Variants in EPHA6 observed in about 807,000 individuals in gnomAD.
The protein encoded by EPHA6 is EPH receptor A6.
A neutral mutation model predicts 112.0 loss-of-function variants in EPHA6; 50 were observed. The ratio of observed to expected loss-of-function variants is 0.45; its 90% CI spans 0.36 to 0.56. The LOEUF is 0.56. Among genes scored for constraint, EPHA6 ranks in the 20% least tolerant of loss-of-function variants. The pLI, the probability that EPHA6 is intolerant of heterozygous loss-of-function variation, is 0.00. For missense variants in EPHA6, 1,280 were observed against 1,417.4 expected, an observed-to-expected ratio of 0.90 and a Z score of 1.56; for synonymous variants, 529 against 490.7, an observed-to-expected ratio of 1.08 and a Z score of -1.03.
intron 5 of EPHA6, among the ~76,000 whole-genome samples, chr3:97,366,597 C>T (rs1330520749): frequency 2.0e-5 from 3 of 151,238 alleles, no homozygotes; most frequent in African/African-American, 2.4e-5. Flanking sequence ...CACCATGGAA[C>T]ACACAATTAC....
chr3:97,266,713 A>G (rs1312999750), intron 5 of EPHA6, among the ~76,000 whole-genome samples: 1 of 147,688 alleles, frequency 6.8e-6, no homozygotes, highest in African/African-American at 2.6e-5. Context: ...AACCTTATCC[A>G]TATGTCATTT....
intron 3 of EPHA6, among the ~76,000 whole-genome samples, chr3:97,202,678 A>AAT (rs2077608653): frequency 6.6e-6 from 1 of 152,052 alleles, no homozygotes; most frequent in Non-Finnish European, 1.5e-5. Flanking sequence ...ATTTACCCAT[A>AAT]ATTGGGCTGG....
intron 5 of EPHA6, among the ~76,000 whole-genome samples, chr3:97,385,982 G>A (rs2086043206): frequency 6.6e-6 from 1 of 152,138 alleles, no homozygotes; most frequent in South Asian, 2.1e-4. Flanking sequence ...TGAGATTTGG[G>A]TGGAGACAGA....
chr3:97,200,246 C>A (rs998051856), intron 3 of EPHA6, among the ~76,000 whole-genome samples: 1 of 152,024 alleles, frequency 6.6e-6, no homozygotes, highest in African/African-American at 2.4e-5. Flanking sequence ...AGAAATATTT[C>A]CCAGTTGCCC....
At chr3:97,209,349 T>C (rs891889292) in intron 3 of EPHA6, among the ~76,000 whole-genome samples, 3 of 151,944 alleles carry the variant, frequency 2.0e-5, no homozygotes, top group Non-Finnish European at 4.4e-5. Context: ...TGAAAAGATG[T>C]ACCAAAGTTT....
intron 1 of EPHA6, among the ~76,000 whole-genome samples, chr3:96,817,465 T>C (rs2032889526): frequency 6.6e-6 from 1 of 151,848 alleles, no homozygotes; most frequent in South Asian, 2.1e-4. Flanking sequence ...GAAAGATAAA[T>C]GTAAAATATA....
chr3:97,248,667 C>A (rs80045810), intron 5 of EPHA6, among the ~76,000 whole-genome samples: 2,369 of 152,162 alleles, frequency 0.016, 72 homozygotes, highest in African/African-American at 0.054. Context: ...CCTATCTCTG[C>A]CCTTAAGTGA....
intron 14 of EPHA6, among the ~76,000 whole-genome samples, chr3:97,695,052 C>T (rs2032942109): frequency 6.6e-6 from 1 of 152,066 alleles, no homozygotes; most frequent in Non-Finnish European, 1.5e-5. Flanking sequence ...TTACATATTA[C>T]AATAAAACAT....
chr3:97,041,775 A>C (rs2045324170), intron 3 of EPHA6, among the ~76,000 whole-genome samples: 1 of 152,072 alleles, frequency 6.6e-6, no homozygotes, highest in South Asian at 2.1e-4. Flanking sequence ...TGGCCAGAGA[A>C]AAAGGGAGAG....
chr3:96,829,947 G>GCACACACACACACA (rs1349079216), intron 1 of EPHA6, among the ~76,000 whole-genome samples: 2 of 70,522 alleles, frequency 2.8e-5, no homozygotes, highest in East Asian at 6.0e-4. Context: ...GTGCGCGCGC[G>GCACACACACACACA]CGCACACACA....
chr3:97,040,315 T>G (rs1473810), intron 3 of EPHA6, among the ~76,000 whole-genome samples: 26,559 of 151,872 alleles, frequency 0.17, 2,594 homozygotes, highest in Non-Finnish European at 0.22. Flanking sequence ...ATAAAAGAGT[T>G]AGTATTATAA....
At chr3:97,007,033 G>T (rs145689519) in intron 3 of EPHA6, among the ~76,000 whole-genome samples, 155 of 152,166 alleles carry the variant, frequency 1.0e-3, no homozygotes, top group African/African-American at 3.6e-3. Context: ...TTATGTGGTC[G>T]ATTTTAGAAT....
At chr3:97,206,362 A>G (rs894709925) in intron 3 of EPHA6, among the ~76,000 whole-genome samples, 2 of 152,096 alleles carry the variant, frequency 1.3e-5, no homozygotes, top group Non-Finnish European at 2.9e-5. Flanking sequence ...TAGTATAACT[A>G]TGGAATTCTT....
At position 97,610,852 on chromosome 3, in the gene EPHA6, C is replaced by A. The variant is rs369106551; in HGVS notation, c.2572C>A (p.Arg858=). The change falls in exon 13 of 18, where the codon CGG becomes AGG. Residue 858 remains arginine (R), a splice_region_variant and synonymous_variant. Transcript: ENST00000389672. ...GAATGGATCCCTAGACTCCTTTTTG[C>A]GGGTGAGGTGTTCTTTTCTGATGGC... The part of the protein sequence containing the change: ...MENGSLDSFL[R]KHDGHFTVIQ... 1 of 1,608,058 alleles carries A rather than the reference C, an allele frequency of 6.2e-7. No individual in the cohort carries two copies. The highest frequency in any genetic ancestry group is 2.2e-5 in the East Asian group (1 of 44,766).
intron 3 of EPHA6, among the ~76,000 whole-genome samples, chr3:97,180,399 T>C (rs1376920165): frequency 2.0e-5 from 3 of 152,064 alleles, no homozygotes; most frequent in African/African-American, 7.2e-5. Flanking sequence ...TGCTGGTACC[T>C]AAGGTACAAG....
intron 3 of EPHA6, among the ~76,000 whole-genome samples, chr3:97,061,988 G>A (rs2046037410): frequency 6.6e-6 from 1 of 152,180 alleles, no homozygotes; most frequent in Non-Finnish European, 1.5e-5. Flanking sequence ...GGAGACACTA[G>A]TTCAGCCTTA....
At chr3:97,140,164 AT>A (rs2075864274) in intron 3 of EPHA6, among the ~76,000 whole-genome samples, 1 of 152,044 alleles carries the variant, frequency 6.6e-6, no homozygotes, top group Admixed American at 6.6e-5. Context: ...AAAAAAATAT[AT>A]TTAAAAAAAA....
At chr3:97,696,114 C>T (rs1219196945) in intron 14 of EPHA6, among the ~76,000 whole-genome samples, 1 of 152,186 alleles carries the variant, frequency 6.6e-6, no homozygotes, top group Non-Finnish European at 1.5e-5. Context: ...TAGCCAGACA[C>T]CATGGATTGC....
chr3:97,110,951 T>C (rs976393295), intron 3 of EPHA6, among the ~76,000 whole-genome samples: 1 of 152,154 alleles, frequency 6.6e-6, no homozygotes, highest in Non-Finnish European at 1.5e-5. Flanking sequence ...TATGTGATTA[T>C]TACCTATACT....
Sources: gnomAD v4.1 joint callset for allele counts (sites outside exome capture counted in the v4.1 genomes callset) on GRCh38, gnomAD v4.1.1 for gene constraint, MANE v1.5 for transcripts, NCBI Gene and HGNC (gene_info 2026-07-23, HGNC 2026-07-21) for gene names.